The following DNAH8 variants were observed in gnomAD, a reference collection of about 807,000 sequenced individuals.
The protein encoded by DNAH8 is dynein axonemal heavy chain 8.
A neutral mutation model predicts 562.1 loss-of-function variants in DNAH8; 382 were observed. The observed-to-expected ratio is 0.68, with a 90% CI of 0.63 to 0.74. The LOEUF (loss-of-function observed/expected upper bound fraction) is 0.74. Ranked by LOEUF, DNAH8 falls within the 30% of genes least tolerant of loss-of-function variation. DNAH8 has a pLI of 0.00. For synonymous variants in DNAH8, 1,881 were observed against 1,919.4 expected, an observed-to-expected ratio of 0.98 and a Z score of 0.52; for missense variants, 5,203 against 5,620.4, an observed-to-expected ratio of 0.93 and a Z score of 2.37.
intron 5 of DNAH8, 137 bp from the exon 6 acceptor site, chr6:38,736,930 A>G (rs1764142229): frequency 7.4e-6 from 4 of 541,198 alleles, no homozygotes; most frequent in Non-Finnish European, 1.2e-5. Flanking sequence ...TCTAAGGTTC[A>G]TAACCACTTA....
chr6:38,922,519 T>C (rs1037550299), intron 71 of DNAH8, among the ~76,000 whole-genome samples: 3 of 152,188 alleles, frequency 2.0e-5, no homozygotes, highest in African/African-American at 7.2e-5. Flanking sequence ...TTACTTTTGC[T>C]TTTAATATAA....
intron 7 of DNAH8, among the ~76,000 whole-genome samples, chr6:38,738,738 G>T (rs1227767470): frequency 6.6e-6 from 1 of 152,086 alleles, no homozygotes; most frequent in Non-Finnish European, 1.5e-5. Context: ...TAGGAGGAGG[G>T]CTGTGCAGTT....
At chr6:38,797,248 G>C (rs552270717) in intron 21 of DNAH8, among the ~76,000 whole-genome samples, 2 of 152,158 alleles carry the variant, frequency 1.3e-5, no homozygotes, top group Admixed American at 1.3e-4. Context: ...ATAAAAATTA[G>C]TCGGGGGGCG....
chr6:38,982,450 C>T lies in DNAH8; in HGVS notation c.12939C>T (p.Cys4313=), dbSNP rs751151452. Reference sequence around the variant, plus strand: ...TTATTCAGAATCACCTTGATGAATGCGATATTAAGAAAGTGAGTGAAATTA... The same window carrying T: ...TTATTCAGAATCACCTTGATGAATGTGATATTAAGAAAGTGAGTGAAATTA... ...VQFIQNHLDE[C]DIKKGVSWNT... The change falls in exon 86 of 93, where the codon TGC becomes TGT. Residue 4313 remains cysteine, a synonymous_variant. Coordinates refer to ENST00000327475, the MANE Select transcript of DNAH8 (RefSeq NM_001206927.2). 8.6e-6 allele frequency: 13 copies of T among 1,510,202 alleles called. No individual in the cohort carries two copies. The highest frequency in any genetic ancestry group is 6.9e-5 in the African/African-American group (5 of 72,858). 93.6% of individuals were successfully genotyped at this position (1,510,202 alleles called of 1,614,324 possible). A position where few individuals can be genotyped will look rare whatever the true frequency, so the allele number is the denominator to read the frequency against.
At chr6:39,007,831 T>C (rs1561969244) in intron 88 of DNAH8, among the ~76,000 whole-genome samples, 2 of 152,030 alleles carry the variant, frequency 1.3e-5, no homozygotes, top group African/African-American at 4.8e-5. Context: ...TTCATCCTTC[T>C]GGTCTCAGCT....
At chr6:38,940,727 A>G (rs1045985539) in intron 79 of DNAH8, among the ~76,000 whole-genome samples, 2 of 152,210 alleles carry the variant, frequency 1.3e-5, no homozygotes, top group African/African-American at 4.8e-5. Flanking sequence ...GAGCAGGGAA[A>G]TGCAGTTCCC....
At chr6:38,773,741 G>A (rs1222864191) in intron 12 of DNAH8, among the ~76,000 whole-genome samples, 1 of 152,174 alleles carries the variant, frequency 6.6e-6, no homozygotes, top group Non-Finnish European at 1.5e-5. Context: ...TAATCCACAA[G>A]AGGTGGTTAC....
In DNAH8 at chr6:38,896,013, C is replaced by G. The variant is rs771673698; in HGVS notation, c.8748-20C>G. ...GATGCTTTCATATTTAACATTCTTA[C>G]TACTACATTTTCCTTTCAGATTTAT... On this transcript the variant is annotated intron_variant, in intron 59 of 92. Transcript: ENST00000327475. The G allele has an allele frequency of 4.4e-6, 7 of 1,598,038 alleles. No homozygotes were observed. The highest frequency in any genetic ancestry group is 2.2e-5 in the East Asian group (1 of 44,720).
intron 10 of DNAH8, among the ~76,000 whole-genome samples, chr6:38,756,768 G>T (rs1403192753): frequency 6.7e-6 from 1 of 149,996 alleles, no homozygotes; most frequent in East Asian, 1.9e-4. Flanking sequence ...AGAACATGCG[G>T]TGTTTGTTTT....
chr6:38,883,293 ATTT>A, intron 54 of DNAH8, 26 bp from the exon 55 acceptor site: 1 of 1,575,962 alleles, frequency 6.3e-7, no homozygotes, highest in Non-Finnish European at 8.6e-7. Context: ...GTTGTAACAC[ATTT>A]CAACACTATT....
intron 79 of DNAH8, among the ~76,000 whole-genome samples, chr6:38,942,477 G>T (rs57689482): frequency 0.058 from 8,769 of 152,212 alleles, 540 homozygotes; most frequent in Admixed American, 0.17. Flanking sequence ...GAAGGGGAGA[G>T]TGCCGGAGAA....
intron 87 of DNAH8, 177 bp downstream of exon 87, chr6:38,984,484 ACAC>A: frequency 1.8e-6 from 1 of 565,962 alleles, no homozygotes; most frequent in South Asian, 2.1e-5. Context: ...ACACACACAC[ACAC>A]ACACACACAA....
intron 85 of DNAH8, among the ~76,000 whole-genome samples, chr6:38,978,282 G>A (rs1763803897): frequency 6.6e-6 from 1 of 152,126 alleles, no homozygotes; most frequent in Non-Finnish European, 1.5e-5. Flanking sequence ...GTAAATAAAA[G>A]GGGCCCTATC....
intron 26 of DNAH8, among the ~76,000 whole-genome samples, chr6:38,821,838 A>G (rs151044137): frequency 6.6e-5 from 10 of 152,320 alleles, no homozygotes; most frequent in African/African-American, 2.4e-4. Flanking sequence ...CTGGGATTCT[A>G]GGCATGAACC....
At position 38,873,340 on chromosome 6, in the gene DNAH8, C is replaced by T. The variant is rs748939836; in HGVS notation, c.7584C>T (p.Pro2528=). ...CATATATGAAGCTAAATCTCAATCC[C>T]AAAATGCAGCTCTTGGAGTGCAACT... The part of the protein sequence containing the change: ...TYTYMKLNLN[P]KMQLLECNYI... The change falls in exon 52 of 93, where the codon CCC becomes CCT. Residue 2528 remains proline (P), a synonymous_variant. Coordinates refer to ENST00000327475, the MANE Select transcript of DNAH8 (RefSeq NM_001206927.2). 5.6e-5 allele frequency: 91 copies of T among 1,611,366 alleles called. No individual in the cohort carries two copies. Among genetic ancestry groups the T allele is most frequent in the Middle Eastern group, 4.9e-4 (3 of 6,066 alleles).
At chr6:38,789,916 C>G in intron 19 of DNAH8, 33 bp downstream of exon 19, 1 of 1,510,008 alleles carries the variant, frequency 6.6e-7, no homozygotes, top group South Asian at 1.1e-5. Flanking sequence ...ATTGATTTTC[C>G]TGTTATTTAA....
intron 84 of DNAH8, among the ~76,000 whole-genome samples, 158 bp from the exon 85 acceptor site, chr6:38,974,216 A>G (rs772337705): frequency 1.5e-4 from 23 of 152,262 alleles, no homozygotes; most frequent in African/African-American, 4.6e-4. Context: ...GGCAATGCTC[A>G]TATAACAATT....
rs759838019 is a variant in DNAH8, at chr6:38,842,347, CTTAG to C, written c.4467-17_4467-14del. 2.8e-5 allele frequency: 45 copies of C among 1,582,192 alleles called. No homozygotes were observed. Among genetic ancestry groups the C allele is most frequent in the Non-Finnish European group, 3.7e-5 (43 of 1,164,458 alleles). On this transcript the variant is annotated splice_polypyrimidine_tract_variant and intron_variant, in intron 33 of 92. Coordinates refer to ENST00000327475, the MANE Select transcript of DNAH8 (RefSeq NM_001206927.2). The stretch of plus-strand genomic sequence containing the variant: ...TTAAATATTATACATGATGTGATAA[CTTAG>C]TTACTTTGTTTCCCAGAAAAGAACT...
chr6:38,849,036 T>C (rs531464540), intron 37 of DNAH8, among the ~76,000 whole-genome samples: 62 of 152,274 alleles, frequency 4.1e-4, no homozygotes, highest in Admixed American at 9.8e-4. Flanking sequence ...TGAGTAGTTA[T>C]AACTGAGATT....
Sources: gnomAD v4.1 joint callset for allele counts (sites outside exome capture counted in the v4.1 genomes callset) on GRCh38, gnomAD v4.1.1 for gene constraint, MANE v1.5 for transcripts, NCBI Gene and HGNC (gene_info 2026-07-23, HGNC 2026-07-21) for gene names.